Variants in CCBE1 observed in about 807,000 individuals in gnomAD.
CCBE1 encodes collagen and calcium-binding EGF domain-containing protein 1.
A neutral mutation model predicts 50.0 loss-of-function variants in CCBE1; 37 were observed. The observed-to-expected ratio is 0.74, with a 90% confidence interval of 0.57 to 0.97. CCBE1 has a LOEUF of 0.97. Ranked by LOEUF, CCBE1 falls within the 50% of genes least tolerant of loss-of-function variation. CCBE1 has a pLI of 0.00. For missense variants in CCBE1, 538 were observed against 523.8 expected, an observed-to-expected ratio of 1.03 and a Z score of -0.26; for synonymous variants, 234 against 203.7, an observed-to-expected ratio of 1.15 and a Z score of -1.27.
chr18:59,571,553 C>CA (rs35149360), intron 2 of CCBE1, among the ~76,000 whole-genome samples: 54,056 of 150,170 alleles, frequency 0.36, 10,164 homozygotes, highest in East Asian at 0.64. Flanking sequence ...TGCAGCACAC[C>CA]ACATGGCACA....
chr18:59,467,975 A>C (rs764672664), intron 4 of CCBE1, among the ~76,000 whole-genome samples: 2 of 152,226 alleles, frequency 1.3e-5, no homozygotes, highest in African/African-American at 4.8e-5. Flanking sequence ...TCCCTGCCCT[A>C]AACCTACATG....
intron 2 of CCBE1, among the ~76,000 whole-genome samples, chr18:59,578,830 A>G (rs1211383125): frequency 6.6e-6 from 1 of 152,230 alleles, no homozygotes; most frequent in Admixed American, 6.5e-5. Flanking sequence ...GGATAGCATT[A>G]GGAGAAATAC....
chr18:59,665,295 T>C (rs542814132), intron 2 of CCBE1, among the ~76,000 whole-genome samples: 1 of 152,304 alleles, frequency 6.6e-6, no homozygotes, highest in East Asian at 1.9e-4. Flanking sequence ...CTGATTTTAC[T>C]GGTTATGGTA....
chr18:59,677,637 C>T (rs2054523418), intron 2 of CCBE1, among the ~76,000 whole-genome samples: 1 of 151,920 alleles, frequency 6.6e-6, no homozygotes, highest in Non-Finnish European at 1.5e-5. Flanking sequence ...TTCCAGGATA[C>T]TCAGGAGGCA....
intron 2 of CCBE1, among the ~76,000 whole-genome samples, chr18:59,517,783 G>A (rs1914436476): frequency 6.6e-6 from 1 of 152,226 alleles, no homozygotes; most frequent in African/African-American, 2.4e-5. Context: ...TAGGCTGGAA[G>A]GGGGTTCAGA....
chr18:59,697,311 G>A lies in CCBE1; in HGVS notation c.32C>T (p.Ala11Val). 6.5e-7 allele frequency: 1 copy of A among 1,548,936 alleles called. No individual in the cohort carries two copies. Residue 11 changes from alanine (A) to valine (V), a missense_variant, in exon 1 of 11, where the codon GCT becomes GTT. Coordinates refer to ENST00000439986, the MANE Select transcript of CCBE1 (RefSeq NM_133459.4). MVPPPPSRGGAARGQLGRSLG... is the reference protein window; with the variant it reads MVPPPPSRGGVARGQLGRSLG... ...GCTCCTGCCCAGCTGGCCCCTGGCA[G>A]CTCCTCCCCGGCTCGGAGGCGGCGG...
At chr18:59,514,618 G>T (rs1249838107) in intron 2 of CCBE1, among the ~76,000 whole-genome samples, 64 of 120,132 alleles carry the variant, frequency 5.3e-4, no homozygotes, top group Admixed American at 1.1e-3. Context: ...ATGCTCTCCT[G>T]TTTTTTTTTT....
chr18:59,683,941 C>T (rs2054624853), intron 2 of CCBE1, among the ~76,000 whole-genome samples: 1 of 151,932 alleles, frequency 6.6e-6, no homozygotes, highest in African/African-American at 2.4e-5. Flanking sequence ...CCTCCCTTCC[C>T]TAGGACAGCA....
intron 2 of CCBE1, among the ~76,000 whole-genome samples, chr18:59,547,044 G>GGACAGAGGGGGA (rs1568199090): frequency 6.3e-5 from 5 of 79,716 alleles, no homozygotes; most frequent in African/African-American, 3.2e-4. Flanking sequence ...AAAGAGAGGG[G>GGACAGAGGGGGA]GAGAGAGGGG....
chr18:59,608,549 C>T (rs1236758444), intron 2 of CCBE1, among the ~76,000 whole-genome samples: 1 of 152,172 alleles, frequency 6.6e-6, no homozygotes, highest in Non-Finnish European at 1.5e-5. Context: ...TTAATTTTCA[C>T]ATCAGCAATG....
chr18:59,515,318 T>C (rs1456032695), intron 2 of CCBE1, among the ~76,000 whole-genome samples: 1 of 152,234 alleles, frequency 6.6e-6, no homozygotes, highest in Non-Finnish European at 1.5e-5. Flanking sequence ...GTCTTAAAAA[T>C]AGCATCTATT....
chr18:59,669,606 TGCTTTCAA>T lies in CCBE1; in HGVS notation c.212+27015_212+27022del, dbSNP rs149401073. On this transcript the variant is annotated intron_variant, in intron 2 of 10. Coordinates refer to ENST00000439986, the MANE Select transcript of CCBE1 (RefSeq NM_133459.4). ...GCTGTCCCTGTGGCTGCAAGAAAGC[TGCTTTCAA>T]GCCCAGGTCTCCAGGCTTAGACTGG... 8.8e-3 allele frequency among the ~76,000 whole-genome samples: 1,336 copies of T among 152,364 alleles called. 13 individuals carry two copies. The highest frequency in any genetic ancestry group is 0.031 in the African/African-American group (1,279 of 41,580).
chr18:59,570,046 A>G (rs1026846039), intron 2 of CCBE1, among the ~76,000 whole-genome samples: 2 of 152,126 alleles, frequency 1.3e-5, no homozygotes, highest in African/African-American at 2.4e-5. Context: ...AAGATCTGTT[A>G]CTCTTCATTT....
chr18:59,527,236 T>C (rs1362996576), intron 2 of CCBE1, among the ~76,000 whole-genome samples: 1 of 152,258 alleles, frequency 6.6e-6, no homozygotes, highest in Non-Finnish European at 1.5e-5. Flanking sequence ...AATTGAACCC[T>C]TTACCATTAT....
chr18:59,599,335 A>C (rs1450612020), intron 2 of CCBE1, among the ~76,000 whole-genome samples: 2 of 152,176 alleles, frequency 1.3e-5, no homozygotes. Flanking sequence ...TTTAAAAGAT[A>C]ATATATATGC....
chr18:59,466,677 G>C, intron 5 of CCBE1, 62 bp downstream of exon 5: 2 of 1,157,698 alleles, frequency 1.7e-6, no homozygotes, highest in Non-Finnish European at 2.4e-6. Context: ...CCCCCAAACT[G>C]GTTATATATA....
chr18:59,530,569 C>CT (rs914007678), intron 2 of CCBE1, among the ~76,000 whole-genome samples: 4 of 152,154 alleles, frequency 2.6e-5, no homozygotes, highest in African/African-American at 9.7e-5. Context: ...ACTGAGCACT[C>CT]TTTCCCTCCT....
chr18:59,662,018 T>G (rs138603553), intron 2 of CCBE1, among the ~76,000 whole-genome samples: 4 of 152,206 alleles, frequency 2.6e-5, no homozygotes, highest in African/African-American at 9.6e-5. Context: ...CCAGCAGCAT[T>G]GTAACTCATG....
At chr18:59,577,541 G>A (rs2053017033) in intron 2 of CCBE1, among the ~76,000 whole-genome samples, 1 of 152,186 alleles carries the variant, frequency 6.6e-6, no homozygotes, top group South Asian at 2.1e-4. Flanking sequence ...TTGTCTGCCA[G>A]TAGAAAGAGG....
Sources: gnomAD v4.1 joint callset for allele counts (sites outside exome capture counted in the v4.1 genomes callset) on GRCh38, gnomAD v4.1.1 for gene constraint, MANE v1.5 for transcripts, NCBI Gene and HGNC (gene_info 2026-07-23, HGNC 2026-07-21) for gene names.